Variants in BICD1 observed in about 807,000 individuals in gnomAD.
BICD1 encodes protein bicaudal D homolog 1.
A neutral mutation model predicts 92.5 loss-of-function variants in BICD1; 35 were observed. The ratio of observed to expected loss-of-function variants is 0.38; its 90% CI spans 0.29 to 0.50. The LOEUF (loss-of-function observed/expected upper bound fraction) is 0.50, where lower values mean the gene tolerates loss of function less well. Among genes scored for constraint, BICD1 ranks in the 20% least tolerant of loss-of-function variants. The probability of loss-of-function intolerance (pLI) is 0.93; values close to 1 mark genes in which losing one functional copy is unlikely to be tolerated. For synonymous variants in BICD1, 429 were observed against 465.1 expected (o/e 0.92, Z 1.00); for missense variants, 950 against 1,189.8 (o/e 0.80, Z 2.97).
chr12:32,339,876 C>A, intron 8 of BICD1: 3 of 949,414 alleles, frequency 3.2e-6, no homozygotes, highest in Non-Finnish European at 3.8e-6. Flanking sequence ...TTTCTGGCCT[C>A]TTTTGGAAGA....
In BICD1 at chr12:32,343,375, A is replaced by C. The variant is rs546874542; in HGVS notation, c.2764+4396A>C. 4.6e-5 allele frequency among the ~76,000 whole-genome samples: 7 copies of C among 151,524 alleles called. No homozygotes were observed. In the South Asian group the frequency reaches 6.3e-4, roughly 14 times the overall value. ...CCGTCCCCTCTTCCTCCTCCTCCTC[A>C]TCATCTTACCATTTAATCAATAATT... On this transcript the variant is annotated intron_variant, in intron 8 of 9. Coordinates refer to ENST00000652176, the MANE Select transcript of BICD1 (RefSeq NM_001714.4).
intron 1 of BICD1, among the ~76,000 whole-genome samples, chr12:32,172,883 T>A (rs1219326059): frequency 6.6e-6 from 1 of 152,206 alleles, no homozygotes; most frequent in African/African-American, 2.4e-5. Context: ...TAAGCCAAGC[T>A]ATCCTCTATT....
chr12:32,108,759 C>CA, intron 1 of BICD1: 1 of 628,042 alleles, frequency 1.6e-6, no homozygotes, highest in East Asian at 2.8e-5. Flanking sequence ...GCCTGTCTAC[C>CA]AAAAAATAAA....
chr12:32,245,685 G>A (rs1184439283), intron 2 of BICD1, among the ~76,000 whole-genome samples: 2 of 152,040 alleles, frequency 1.3e-5, no homozygotes, highest in East Asian at 1.9e-4. Flanking sequence ...ATGAGGTAAT[G>A]CAAAGCTCTT....
chr12:32,312,460 G>A (rs559701769), intron 4 of BICD1, among the ~76,000 whole-genome samples: 1 of 152,238 alleles, frequency 6.6e-6, no homozygotes, highest in African/African-American at 2.4e-5. Flanking sequence ...AATTATTATT[G>A]TCCTGGAAAC....
chr12:32,163,862 C>A (rs183358392), intron 1 of BICD1, among the ~76,000 whole-genome samples: 1 of 152,152 alleles, frequency 6.6e-6, no homozygotes, highest in Non-Finnish European at 1.5e-5. Context: ...AACCCAAGAC[C>A]CCTGCGTTAT....
intron 9 of BICD1, among the ~76,000 whole-genome samples, chr12:32,376,760 C>A (rs1939983651): frequency 6.7e-6 from 1 of 148,532 alleles, no homozygotes; most frequent in Non-Finnish European, 1.5e-5. Context: ...CCCAGCTGCT[C>A]GGGAGGCTGA....
At chr12:32,272,161 A>G (rs1479536756) in intron 2 of BICD1, among the ~76,000 whole-genome samples, 1 of 152,164 alleles carries the variant, frequency 6.6e-6, no homozygotes, top group Non-Finnish European at 1.5e-5. Flanking sequence ...TTTCTTTTCA[A>G]TGTATAAATC....
At position 32,133,147 on chromosome 12, in the gene BICD1, T is replaced by G. The variant is rs577095156; in HGVS notation, c.213+25603T>G. ...ATATTTGCTTATTTGAATTTGAAAA[T>G]TCTTGTGGATACCAATATTGATACT... is the stretch of plus-strand genomic sequence containing the variant. On this transcript the variant is annotated intron_variant, in intron 1 of 9. Coordinates refer to ENST00000652176, the MANE Select transcript of BICD1 (RefSeq NM_001714.4). Among the ~76,000 whole-genome samples, 43 of 152,284 alleles carry G rather than the reference T, an allele frequency of 2.8e-4. 1 individual carries two copies. The South Asian group carries it at 8.5e-3, about 30-fold the overall frequency.
chr12:32,373,077 C>A (rs1939801002), intron 9 of BICD1, among the ~76,000 whole-genome samples: 1 of 151,858 alleles, frequency 6.6e-6, no homozygotes, highest in East Asian at 1.9e-4. Flanking sequence ...AAGTAGTTTT[C>A]TACTTGGGAA....
intron 4 of BICD1, among the ~76,000 whole-genome samples, chr12:32,319,434 G>T (rs1948590050): frequency 6.6e-6 from 1 of 152,120 alleles, no homozygotes; most frequent in African/African-American, 2.4e-5. Context: ...GTGTTTCTAT[G>T]ATTGCATTTG....
chr12:32,377,391 C>G, intron 9 of BICD1, 149 bp from the exon 10 acceptor site: 1 of 638,226 alleles, frequency 1.6e-6, no homozygotes, highest in Non-Finnish European at 2.8e-6. Flanking sequence ...CTACCATTAT[C>G]TTGGCATGCT....
At chr12:32,306,160 T>G in intron 4 of BICD1, 38 bp downstream of exon 4, 1 of 1,514,402 alleles carries the variant, frequency 6.6e-7, no homozygotes. Context: ...GTGAATTTCT[T>G]GTAGATTGCA....
intron 1 of BICD1, among the ~76,000 whole-genome samples, chr12:32,112,398 C>G (rs1237288954): frequency 6.6e-6 from 1 of 152,194 alleles, no homozygotes; most frequent in African/African-American, 2.4e-5. Flanking sequence ...ATCACATTCC[C>G]CATGTTTATG....
At chr12:32,181,419 CAA>C (rs5797462) in intron 1 of BICD1, among the ~76,000 whole-genome samples, 1 of 139,150 alleles carries the variant, frequency 7.2e-6, no homozygotes, top group African/African-American at 2.7e-5. Flanking sequence ...GACTCTGTCT[CAA>C]AAAAAAAAAA....
At chr12:32,112,938 ACT>A (rs1432105255) in intron 1 of BICD1, among the ~76,000 whole-genome samples, 3 of 152,178 alleles carry the variant, frequency 2.0e-5, no homozygotes, top group Non-Finnish European at 4.4e-5. Flanking sequence ...AGCAATCCTT[ACT>A]CAAGGTAGGT....
intron 1 of BICD1, among the ~76,000 whole-genome samples, chr12:32,213,455 G>T (rs539859618): frequency 6.6e-6 from 1 of 152,140 alleles, no homozygotes. Context: ...GAGTGCAGTG[G>T]CACAATCTCA....
At chr12:32,159,122 C>T (rs550972333) in intron 1 of BICD1, among the ~76,000 whole-genome samples, 3 of 152,000 alleles carry the variant, frequency 2.0e-5, no homozygotes, top group Admixed American at 6.6e-5. Context: ...TTAATAGAGA[C>T]GGGGTTTCAT....
intron 3 of BICD1, among the ~76,000 whole-genome samples, chr12:32,298,208 A>G (rs1362218609): frequency 6.6e-6 from 1 of 150,914 alleles, no homozygotes; most frequent in Non-Finnish European, 1.5e-5. Flanking sequence ...GAAAAAAAAA[A>G]GCAACAATTC....
Sources: allele counts gnomAD v4.1 joint callset (sites outside exome capture counted in the v4.1 genomes callset), GRCh38; gene constraint gnomAD v4.1.1; transcripts MANE v1.5; gene names NCBI Gene and HGNC (gene_info 2026-07-23, HGNC 2026-07-21).